LOXL2: variants seen among roughly 807,000 people sequenced by gnomAD.
The protein encoded by LOXL2 is lysyl oxidase homolog 2.
A neutral mutation model predicts 93.0 loss-of-function variants in LOXL2; 70 were observed. That is an observed-to-expected ratio of 0.75 (90% CI 0.62 to 0.92). The LOEUF (loss-of-function observed/expected upper bound fraction) is 0.92, where lower values mean the gene tolerates loss of function less well. Among genes scored for constraint, LOXL2 ranks in the 40% least tolerant of loss-of-function variants. LOXL2 has a pLI of 0.00. For synonymous variants in LOXL2, 438 were observed against 413.2 expected (o/e 1.06, Z -0.73); for missense variants, 973 against 1,054.9 (o/e 0.92, Z 1.08).
At chr8:23,362,347 T>C (rs1416214007) in intron 2 of LOXL2, among the ~76,000 whole-genome samples, 1 of 152,214 alleles carries the variant, frequency 6.6e-6, no homozygotes, top group Non-Finnish European at 1.5e-5. Context: ...GTTTAATCGG[T>C]GCAGTTTCAG....
chr8:23,329,622 G>T (rs10091809), intron 5 of LOXL2, among the ~76,000 whole-genome samples: 4,999 of 152,272 alleles, frequency 0.033, 183 homozygotes, highest in African/African-American at 0.086. Context: ...AGCCTATGAG[G>T]CTCTCAGCTA....
intron 3 of LOXL2, among the ~76,000 whole-genome samples, chr8:23,352,491 G>C (rs1439337244): frequency 8.5e-5 from 13 of 152,130 alleles, no homozygotes. Flanking sequence ...GGCTGGGAAG[G>C]GTTCAGACTT....
At chr8:23,340,866 C>T in intron 4 of LOXL2, 126 bp downstream of exon 4, 1 of 870,288 alleles carries the variant, frequency 1.1e-6, no homozygotes, top group Non-Finnish European at 1.9e-6. Context: ...TGCAGGCTGC[C>T]TGCAGGGACA....
At chr8:23,350,354 A>G (rs997244691) in intron 3 of LOXL2, among the ~76,000 whole-genome samples, 3 of 152,068 alleles carry the variant, frequency 2.0e-5, no homozygotes, top group Non-Finnish European at 2.9e-5. Context: ...CGAGGCGGGC[A>G]GTTCACCTGA....
intron 3 of LOXL2, among the ~76,000 whole-genome samples, chr8:23,356,146 T>C (rs1804193303): frequency 1.3e-5 from 2 of 152,206 alleles, no homozygotes; most frequent in African/African-American, 4.8e-5. Context: ...TACCTTTTAA[T>C]TTCCATGAAC....
At chr8:23,316,519 C>T (rs1314075728) in intron 9 of LOXL2, among the ~76,000 whole-genome samples, 1 of 151,980 alleles carries the variant, frequency 6.6e-6, no homozygotes, top group African/African-American at 2.4e-5. Flanking sequence ...CTCTCTAGGA[C>T]TCCCAGCGAA....
At chr8:23,319,008 C>T (rs1324591119) in intron 8 of LOXL2, among the ~76,000 whole-genome samples, 1 of 152,206 alleles carries the variant, frequency 6.6e-6, no homozygotes, top group Admixed American at 6.5e-5. Context: ...CTTTCTTAGG[C>T]CCCAAGAAGG....
chr8:23,305,619 G>T (rs1266159943), intron 10 of LOXL2, among the ~76,000 whole-genome samples: 1 of 151,890 alleles, frequency 6.6e-6, no homozygotes, highest in Non-Finnish European at 1.5e-5. Flanking sequence ...CCTCTTGCAG[G>T]CTGAGCTGTC....
chr8:23,397,092 G>A (rs1158566297), intron 1 of LOXL2, among the ~76,000 whole-genome samples: 1 of 152,202 alleles, frequency 6.6e-6, no homozygotes, highest in East Asian at 1.9e-4. Context: ...TAAGTAAAAT[G>A]AGCCAGACAC....
chr8:23,391,844 G>C (rs569209432), intron 1 of LOXL2, among the ~76,000 whole-genome samples: 2 of 152,232 alleles, frequency 1.3e-5, no homozygotes, highest in Admixed American at 1.3e-4. Flanking sequence ...GAGTGTACTG[G>C]GTGAAAGATG....
chr8:23,356,133 G>A (rs1397043110), intron 3 of LOXL2, among the ~76,000 whole-genome samples: 1 of 152,122 alleles, frequency 6.6e-6, no homozygotes, highest in Non-Finnish European at 1.5e-5. Context: ...GATTTTATCA[G>A]TATACCTTTT....
intron 2 of LOXL2, 44 bp downstream of exon 2, chr8:23,367,953 C>T: frequency 6.5e-7 from 1 of 1,541,456 alleles, no homozygotes; most frequent in Non-Finnish European, 8.9e-7. Flanking sequence ...CACTCCGGGC[C>T]TTGCCAGGTG....
At chr8:23,338,056 T>C (rs561261579) in intron 4 of LOXL2, among the ~76,000 whole-genome samples, 4 of 152,104 alleles carry the variant, frequency 2.6e-5, no homozygotes, top group South Asian at 4.1e-4. Flanking sequence ...TGGCAGAAGG[T>C]GAAGGAGGAA....
Position 23,303,404 on chromosome 8 carries a change from CGAGA to C in LOXL2, c.1881-11_1881-8del, listed in dbSNP as rs767501288. 2 of 1,537,012 alleles carry C rather than the reference CGAGA, an allele frequency of 1.3e-6. No homozygotes were observed. The highest frequency in any genetic ancestry group is 1.4e-5 in the African/African-American group (1 of 73,478). ...CTCCATGCTGTGGTAGTGCCTGGAG[CGAGA>C]GAGAGATGGCCTGGAGGTCAGTTTC... On this transcript the variant is annotated splice_polypyrimidine_tract_variant and splice_region_variant and intron_variant, in intron 10 of 13. Coordinates refer to ENST00000389131, the MANE Select transcript of LOXL2 (RefSeq NM_002318.3).
chr8:23,308,021 G>GC (rs2117144834), intron 10 of LOXL2, among the ~76,000 whole-genome samples: 1 of 133,570 alleles, frequency 7.5e-6, no homozygotes, highest in African/African-American at 2.7e-5. Context: ...AAAAGAAAGA[G>GC]CATGTAGTTT....
At chr8:23,336,454 G>A (rs1323587185) in intron 4 of LOXL2, 3 of 152,296 alleles carry the variant, frequency 2.0e-5, no homozygotes, top group Non-Finnish European at 4.4e-5. Flanking sequence ...CCCCGCTCCA[G>A]ACCTGGAGAC....
At chr8:23,403,325 T>G (rs1424876178) in intron 1 of LOXL2, among the ~76,000 whole-genome samples, 1 of 152,040 alleles carries the variant, frequency 6.6e-6, no homozygotes, top group Non-Finnish European at 1.5e-5. Context: ...TGGGAGTGCA[T>G]ACCTGGCGTG....
chr8:23,373,628 T>C (rs1330004884), intron 1 of LOXL2, among the ~76,000 whole-genome samples: 1 of 152,230 alleles, frequency 6.6e-6, no homozygotes, highest in Non-Finnish European at 1.5e-5. Context: ...AGCACCCCCA[T>C]GTGCAGGCAC....
In LOXL2 at chr8:23,309,475, C is replaced by A. The variant is rs115714308; in HGVS notation, c.1880+193G>T. Among the ~76,000 whole-genome samples, 1,145 of 152,306 alleles carry A rather than the reference C, an allele frequency of 7.5e-3. 15 individuals carry two copies. Among genetic ancestry groups the A allele is most frequent in the African/African-American group, 0.026 (1,068 of 41,544 alleles). On this transcript the variant is annotated intron_variant, in intron 10 of 13. Coordinates refer to ENST00000389131, the MANE Select transcript of LOXL2 (RefSeq NM_002318.3). ...GAAGAAGGGTGGCAGGCCAGGGGAA[C>A]TTGGAGTGGAGAATGGCTTCGGGAA...
Sources: gnomAD v4.1 joint callset for allele counts (sites outside exome capture counted in the v4.1 genomes callset) on GRCh38, gnomAD v4.1.1 for gene constraint, MANE v1.5 for transcripts, NCBI Gene and HGNC (gene_info 2026-07-23, HGNC 2026-07-21) for gene names.